The following CLSTN2 variants were observed in gnomAD, a reference collection of about 807,000 sequenced individuals.
CLSTN2 encodes the protein calsyntenin-2.
CLSTN2 carries 48 observed loss-of-function variants against 101.2 expected under a neutral mutation model. The ratio of observed to expected loss-of-function variants is 0.47; its 90% CI spans 0.38 to 0.60. The LOEUF (loss-of-function observed/expected upper bound fraction) is 0.60. CLSTN2 is among the 20% of genes least tolerant of loss of function. CLSTN2 has a pLI of 0.00. For missense variants in CLSTN2, 1,160 were observed against 1,238.2 expected (o/e 0.94, Z 0.95); for synonymous variants, 481 against 463.6 (o/e 1.04, Z -0.48).
rs143910313 is a variant in CLSTN2, at chr3:140,260,120, A to C, written c.232+84047A>C. ...CCCATGTACCCCTTGAACCTAAAAT[A>C]AAAGGTGAAAAAGAAATATATATAT... is the stretch of plus-strand genomic sequence containing the variant. On this transcript the variant is annotated intron_variant, in intron 2 of 16. Coordinates refer to ENST00000458420, the MANE Select transcript of CLSTN2 (RefSeq NM_022131.3). Among the ~76,000 whole-genome samples the C allele has an allele frequency of 2.2e-3, 308 of 140,980 alleles. 1 individual carries two copies. The highest frequency in any genetic ancestry group is 7.4e-3 in the African/African-American group (274 of 37,234). 92.5% of individuals were successfully genotyped at this position (140,980 alleles called of 152,430 possible). A position where few individuals can be genotyped will look rare whatever the true frequency, so the allele number is the denominator to read the frequency against.
intron 2 of CLSTN2, among the ~76,000 whole-genome samples, chr3:140,251,096 A>T (rs1360315909): frequency 6.6e-6 from 1 of 152,120 alleles, no homozygotes; most frequent in Non-Finnish European, 1.5e-5. Flanking sequence ...GCCTCTGTGA[A>T]TGTTTTGAAG....
At chr3:140,408,598 C>T (rs886504389) in intron 4 of CLSTN2, among the ~76,000 whole-genome samples, 35 of 152,312 alleles carry the variant, frequency 2.3e-4, no homozygotes, top group African/African-American at 8.4e-4. Flanking sequence ...ATAGGGGCCC[C>T]TCACAATTTT....
At chr3:140,548,187 C>A (rs755500430) in intron 10 of CLSTN2, among the ~76,000 whole-genome samples, 3 of 152,184 alleles carry the variant, frequency 2.0e-5, no homozygotes, top group Non-Finnish European at 4.4e-5. Context: ...CATGGATATG[C>A]TAGTATTCTG....
chr3:140,511,451 T>C (rs751027804), intron 8 of CLSTN2, among the ~76,000 whole-genome samples: 5 of 151,932 alleles, frequency 3.3e-5, no homozygotes, highest in African/African-American at 4.8e-5. Context: ...CACACTGTCT[T>C]CCACAATGGT....
chr3:140,307,446 A>G (rs1026508720), intron 2 of CLSTN2, among the ~76,000 whole-genome samples: 1 of 151,742 alleles, frequency 6.6e-6, no homozygotes, highest in Non-Finnish European at 1.5e-5. Context: ...TATCATGTCC[A>G]TGTCTCACTG....
intron 8 of CLSTN2, among the ~76,000 whole-genome samples, chr3:140,486,943 G>C (rs1234405317): frequency 6.6e-6 from 1 of 152,196 alleles, no homozygotes; most frequent in Non-Finnish European, 1.5e-5. Flanking sequence ...ACAGATGTAA[G>C]TTTAAGGCAT....
chr3:140,272,400 A>G (rs953392615), intron 2 of CLSTN2, among the ~76,000 whole-genome samples: 1 of 152,210 alleles, frequency 6.6e-6, no homozygotes, highest in Non-Finnish European at 1.5e-5. Context: ...AGACAAATAG[A>G]TTATATAGGA....
intron 2 of CLSTN2, 23 bp from the exon 3 acceptor site, chr3:140,403,606 C>T (rs1384852295): frequency 1.9e-6 from 3 of 1,577,684 alleles, no homozygotes; most frequent in African/African-American, 2.7e-5. Flanking sequence ...GATTCCCACT[C>T]ACTGTTTTCC....
intron 2 of CLSTN2, among the ~76,000 whole-genome samples, chr3:140,229,835 G>A (rs1290127863): frequency 6.6e-6 from 1 of 152,088 alleles, no homozygotes; most frequent in African/African-American, 2.4e-5. Flanking sequence ...TAACCATGAA[G>A]GTTCCTTCCT....
At chr3:140,167,710 A>G (rs1239656353) in intron 1 of CLSTN2, among the ~76,000 whole-genome samples, 1 of 151,652 alleles carries the variant, frequency 6.6e-6, no homozygotes, top group African/African-American at 2.4e-5. Context: ...ATCAAATCCC[A>G]CCCCACCCCA....
chr3:140,088,611 A>C (rs943220535), intron 1 of CLSTN2, among the ~76,000 whole-genome samples: 1 of 152,210 alleles, frequency 6.6e-6, no homozygotes, highest in Non-Finnish European at 1.5e-5. Flanking sequence ...GGAAGCTGTC[A>C]GTACCACCCC....
chr3:140,517,980 C>T (rs185845010), intron 8 of CLSTN2, among the ~76,000 whole-genome samples: 345 of 152,158 alleles, frequency 2.3e-3, no homozygotes, highest in African/African-American at 7.6e-3. Flanking sequence ...GCAGACTCTC[C>T]GTGGATGCGG....
chr3:140,156,578 AC>A (rs2009957279), intron 1 of CLSTN2, among the ~76,000 whole-genome samples: 1 of 152,184 alleles, frequency 6.6e-6, no homozygotes, highest in Non-Finnish European at 1.5e-5. Context: ...AGATCTTGGC[AC>A]TAATGCCATG....
chr3:140,540,999 C>T (rs1935464601), intron 9 of CLSTN2, among the ~76,000 whole-genome samples: 1 of 152,230 alleles, frequency 6.6e-6, no homozygotes, highest in African/African-American at 2.4e-5. Context: ...AACCTTAACA[C>T]CAGTTTCTGG....
chr3:140,537,865 C>T (rs1211134320), intron 9 of CLSTN2, among the ~76,000 whole-genome samples: 2 of 152,148 alleles, frequency 1.3e-5, no homozygotes, highest in Non-Finnish European at 1.5e-5. Context: ...TACTATAACC[C>T]AGCTGTGCAA....
chr3:140,098,880 T>C (rs2008915423), intron 1 of CLSTN2, among the ~76,000 whole-genome samples: 2 of 152,074 alleles, frequency 1.3e-5, no homozygotes, highest in Admixed American at 6.6e-5. Context: ...TGGACAGCCA[T>C]GTCAAAAAGA....
At chr3:140,164,770 C>T (rs1323997799) in intron 1 of CLSTN2, among the ~76,000 whole-genome samples, 3 of 152,182 alleles carry the variant, frequency 2.0e-5, no homozygotes, top group Non-Finnish European at 2.9e-5. Flanking sequence ...AGGATATTGC[C>T]ATATAGTTCA....
chr3:140,245,605 C>G (rs1376344331), intron 2 of CLSTN2, among the ~76,000 whole-genome samples: 1 of 152,148 alleles, frequency 6.6e-6, no homozygotes, highest in Non-Finnish European at 1.5e-5. Flanking sequence ...GTATGGTCAA[C>G]AGCTTAGAGG....
At chr3:140,119,082 G>C (rs924757875) in intron 1 of CLSTN2, among the ~76,000 whole-genome samples, 1 of 152,246 alleles carries the variant, frequency 6.6e-6, no homozygotes, top group African/African-American at 2.4e-5. Context: ...GGCCCCAGGA[G>C]GGGCAAAATG....
Sources: gnomAD v4.1 joint callset for allele counts (sites outside exome capture counted in the v4.1 genomes callset) on GRCh38, gnomAD v4.1.1 for gene constraint, MANE v1.5 for transcripts, NCBI Gene and HGNC (gene_info 2026-07-23, HGNC 2026-07-21) for gene names.